Variants in NTNG1 observed in about 807,000 individuals in gnomAD.
NTNG1 encodes the protein netrin G1.
A neutral mutation model predicts 54.0 loss-of-function variants in NTNG1; 16 were observed. The observed-to-expected ratio is 0.30, with a 90% CI of 0.20 to 0.45. The LOEUF is 0.45. NTNG1 is among the 20% of genes least tolerant of loss of function. The pLI, the probability that NTNG1 is intolerant of heterozygous loss-of-function variation, is 1.00. For synonymous variants in NTNG1, 255 were observed against 263.1 expected (o/e 0.97, Z 0.30); for missense variants, 530 against 678.7 (o/e 0.78, Z 2.43).
intron 4 of NTNG1, among the ~76,000 whole-genome samples, chr1:107,397,193 C>G (rs150492088): frequency 1.3e-5 from 2 of 152,254 alleles, no homozygotes; most frequent in African/African-American, 4.8e-5. Flanking sequence ...TTTCTGTATA[C>G]ATTTTGGACG....
At chr1:107,298,703 G>A (rs768493978) in intron 2 of NTNG1, among the ~76,000 whole-genome samples, 10 of 152,158 alleles carry the variant, frequency 6.6e-5, no homozygotes, top group African/African-American at 1.7e-4. Flanking sequence ...ACAGGTGGCA[G>A]TTGTGACATA....
intron 2 of NTNG1, among the ~76,000 whole-genome samples, chr1:107,168,454 A>C (rs1032956949): frequency 3.9e-5 from 6 of 152,048 alleles, no homozygotes; most frequent in Non-Finnish European, 5.9e-5. Flanking sequence ...TCTCTCTCTC[A>C]GTAGAAACTT....
intron 3 of NTNG1, among the ~76,000 whole-genome samples, chr1:107,382,179 A>T (rs995848979): frequency 2.6e-5 from 4 of 152,192 alleles, no homozygotes; most frequent in Non-Finnish European, 1.5e-5. Context: ...AGAAGGAAGA[A>T]GGTATTGGGG....
intron 2 of NTNG1, among the ~76,000 whole-genome samples, chr1:107,304,136 T>G (rs891003061): frequency 7.2e-5 from 11 of 152,126 alleles, no homozygotes; most frequent in Non-Finnish European, 1.3e-4. Flanking sequence ...AATCAAAAGA[T>G]TTTTCTTACT....
intron 3 of NTNG1, among the ~76,000 whole-genome samples, chr1:107,377,111 T>C (rs904296867): frequency 2.6e-5 from 4 of 152,182 alleles, no homozygotes; most frequent in Non-Finnish European, 5.9e-5. Flanking sequence ...TTGTCACATA[T>C]CTGTTTCCCC....
intron 2 of NTNG1, among the ~76,000 whole-genome samples, chr1:107,248,994 C>CA (rs1196454799): frequency 0.043 from 4,670 of 109,070 alleles, 237 homozygotes; most frequent in African/African-American, 0.12. Flanking sequence ...ACTAAAAGTA[C>CA]AAAAAAAAAA....
chr1:107,365,661 A>G (rs1419459324), intron 3 of NTNG1, among the ~76,000 whole-genome samples: 8 of 152,130 alleles, frequency 5.3e-5, no homozygotes, highest in Non-Finnish European at 8.8e-5. Context: ...ATTTTTGCAT[A>G]TTTTTTCTAT....
chr1:107,414,866 G>T (rs901883984), intron 5 of NTNG1, among the ~76,000 whole-genome samples: 1 of 152,144 alleles, frequency 6.6e-6, no homozygotes, highest in African/African-American at 2.4e-5. Flanking sequence ...TGTTCAAGTG[G>T]TGGAACCGGA....
At chr1:107,149,725 C>T (rs922827463) in intron 2 of NTNG1, among the ~76,000 whole-genome samples, 6 of 151,064 alleles carry the variant, frequency 4.0e-5, no homozygotes, top group Admixed American at 6.6e-5. Context: ...AAATAGTATA[C>T]ATTAATGTGC....
At chr1:107,330,225 C>G (rs1426086498) in intron 3 of NTNG1, among the ~76,000 whole-genome samples, 1 of 152,096 alleles carries the variant, frequency 6.6e-6, no homozygotes, top group Non-Finnish European at 1.5e-5. Flanking sequence ...GTTCAGGAAG[C>G]TCTGAAGGAT....
intron 2 of NTNG1, among the ~76,000 whole-genome samples, chr1:107,272,342 A>G (rs1322920255): frequency 6.6e-6 from 1 of 152,114 alleles, no homozygotes; most frequent in Non-Finnish European, 1.5e-5. Flanking sequence ...GATAATCATC[A>G]TTGTTCCTTC....
chr1:107,244,483 G>A (rs916721896), intron 2 of NTNG1, among the ~76,000 whole-genome samples: 6 of 152,058 alleles, frequency 3.9e-5, no homozygotes, highest in Non-Finnish European at 8.8e-5. Flanking sequence ...AGAAATAATA[G>A]GCCCCCTTTT....
chr1:107,333,737 A>G (rs1314933603), intron 3 of NTNG1, among the ~76,000 whole-genome samples: 1 of 151,862 alleles, frequency 6.6e-6, no homozygotes, highest in Non-Finnish European at 1.5e-5. Context: ...AACTTTAGTT[A>G]TCATCCTTCC....
At chr1:107,189,331 A>T (rs1374912742) in intron 2 of NTNG1, among the ~76,000 whole-genome samples, 1 of 142,196 alleles carries the variant, frequency 7.0e-6, no homozygotes, top group Non-Finnish European at 1.5e-5. Flanking sequence ...AACCTGGGTG[A>T]CAGAGACAGA....
intron 2 of NTNG1, among the ~76,000 whole-genome samples, chr1:107,196,706 T>C (rs1658360758): frequency 6.6e-6 from 1 of 152,042 alleles, no homozygotes; most frequent in South Asian, 2.1e-4. Context: ...AAAACTGTTA[T>C]GAGTTTTATT....
At chr1:107,182,718 A>G (rs1238630177) in intron 2 of NTNG1, among the ~76,000 whole-genome samples, 1 of 152,092 alleles carries the variant, frequency 6.6e-6, no homozygotes, top group Non-Finnish European at 1.5e-5. Flanking sequence ...ACAATCACAC[A>G]TTCAATTGGG....
intron 2 of NTNG1, among the ~76,000 whole-genome samples, chr1:107,180,703 C>G (rs185690944): frequency 2.3e-3 from 350 of 152,158 alleles, no homozygotes; most frequent in Middle Eastern, 0.01. Context: ...AACTCAGAGG[C>G]TTATAATTTT....
intron 2 of NTNG1, among the ~76,000 whole-genome samples, chr1:107,299,150 A>G (rs1168148637): frequency 6.6e-6 from 1 of 152,186 alleles, no homozygotes; most frequent in Non-Finnish European, 1.5e-5. Flanking sequence ...CTGATTGTCC[A>G]GATGATATTG....
chr1:107,354,918 T>C (rs1669848439), intron 3 of NTNG1, among the ~76,000 whole-genome samples: 1 of 152,174 alleles, frequency 6.6e-6, no homozygotes, highest in Non-Finnish European at 1.5e-5. Flanking sequence ...TTTGACATTA[T>C]ATACCTTAAA....
Sources: allele counts gnomAD v4.1 joint callset (sites outside exome capture counted in the v4.1 genomes callset), GRCh38; gene constraint gnomAD v4.1.1; transcripts MANE v1.5; gene names NCBI Gene and HGNC (gene_info 2026-07-23, HGNC 2026-07-21).